The following STXBP5L variants were observed in gnomAD, a reference collection of about 807,000 sequenced individuals.
STXBP5L encodes syntaxin-binding protein 5-like.
STXBP5L carries 65 observed loss-of-function variants against 144.5 expected under a neutral mutation model. The ratio of observed to expected loss-of-function variants is 0.45; its 90% CI spans 0.37 to 0.55. The LOEUF (loss-of-function observed/expected upper bound fraction) is 0.55, where lower values mean the gene tolerates loss of function less well. STXBP5L is among the 20% of genes least tolerant of loss of function. The probability of loss-of-function intolerance (pLI) is 0.00; values close to 1 mark genes in which losing one functional copy is unlikely to be tolerated. For missense variants in STXBP5L, 1,298 were observed against 1,405.5 expected (o/e 0.92, Z 1.22); for synonymous variants, 505 against 469.6 (o/e 1.08, Z -0.97).
intron 9 of STXBP5L, among the ~76,000 whole-genome samples, chr3:121,178,271 T>A (rs924445287): frequency 3.3e-5 from 5 of 152,216 alleles, no homozygotes; most frequent in Admixed American, 2.0e-4. Flanking sequence ...TAGTTGATTT[T>A]AAATTTTATC....
intron 3 of STXBP5L, among the ~76,000 whole-genome samples, chr3:120,974,606 A>G (rs989591171): frequency 3.9e-5 from 6 of 152,164 alleles, no homozygotes; most frequent in African/African-American, 1.2e-4. Context: ...TTTAGAGATG[A>G]AGTCCTTGCA....
chr3:120,979,196 T>C (rs1327724319), intron 3 of STXBP5L, among the ~76,000 whole-genome samples: 3 of 152,270 alleles, frequency 2.0e-5, no homozygotes, highest in South Asian at 4.1e-4. Flanking sequence ...GTGGTGGGCT[T>C]CCCCCAGTTG....
chr3:121,405,048 G>GGA (rs1018722061), intron 22 of STXBP5L, among the ~76,000 whole-genome samples: 345 of 151,300 alleles, frequency 2.3e-3, no homozygotes, highest in African/African-American at 8.1e-3. Flanking sequence ...ATAGGGAGGG[G>GGA]GAGAGAGAGA....
At chr3:120,939,717 A>T (rs1710466790) in intron 2 of STXBP5L, among the ~76,000 whole-genome samples, 1 of 152,168 alleles carries the variant, frequency 6.6e-6, no homozygotes, top group African/African-American at 2.4e-5. Flanking sequence ...ACATAACCCC[A>T]TTCTTGTTTC....
Position 121,302,096 on chromosome 3 carries a change from G to A in STXBP5L, c.2111-16379G>A, listed in dbSNP as rs186590961. ...AGGGAGGATTCCCTCTTTTTCTATT[G>A]ATTGGAATAGTTTCAGAAGGAATGA... On this transcript the variant is annotated intron_variant, in intron 19 of 26. Coordinates refer to ENST00000471454, the MANE Select transcript of STXBP5L (RefSeq NM_001308330.2). Among the ~76,000 whole-genome samples the A allele has an allele frequency of 6.2e-3, 941 of 152,218 alleles. 5 individuals carry two copies. The highest frequency in any genetic ancestry group is 0.024 in the Middle Eastern group (7 of 294).
chr3:121,218,595 G>T (rs1000377573), intron 10 of STXBP5L, among the ~76,000 whole-genome samples: 1 of 151,862 alleles, frequency 6.6e-6, no homozygotes, highest in South Asian at 2.1e-4. Context: ...CAGCCTTGAA[G>T]GGAGTAGGGA....
At chr3:121,394,195 G>C (rs2046666302) in intron 22 of STXBP5L, among the ~76,000 whole-genome samples, 1 of 152,042 alleles carries the variant, frequency 6.6e-6, no homozygotes, top group Non-Finnish European at 1.5e-5. Flanking sequence ...AAATGGGATT[G>C]ATTTCTTCTT....
intron 20 of STXBP5L, among the ~76,000 whole-genome samples, chr3:121,344,078 C>G (rs1309244545): frequency 2.0e-5 from 3 of 151,440 alleles, no homozygotes; most frequent in African/African-American, 7.3e-5. Context: ...ACAACAGAGC[C>G]CTCAGAAATA....
At chr3:121,091,030 G>C (rs1207756742) in intron 5 of STXBP5L, among the ~76,000 whole-genome samples, 2 of 148,782 alleles carry the variant, frequency 1.3e-5, no homozygotes. Context: ...TATGCGGTGT[G>C]TGGTTTTTTG....
At chr3:120,989,161 T>G (rs916454141) in intron 3 of STXBP5L, among the ~76,000 whole-genome samples, 1 of 152,160 alleles carries the variant, frequency 6.6e-6, no homozygotes, top group Admixed American at 6.6e-5. Context: ...CAATGATTTC[T>G]CTTCCTTTCG....
At chr3:121,416,782 G>C (rs938504230) in intron 25 of STXBP5L, among the ~76,000 whole-genome samples, 2 of 151,912 alleles carry the variant, frequency 1.3e-5, no homozygotes, top group African/African-American at 4.8e-5. Context: ...TGGAATTACA[G>C]GCATGAGCCA....
At chr3:121,277,032 C>A (rs887206141) in intron 18 of STXBP5L, among the ~76,000 whole-genome samples, 2 of 151,578 alleles carry the variant, frequency 1.3e-5, no homozygotes, top group South Asian at 4.2e-4. Context: ...TCTGTTATTT[C>A]TTCAAGTTTA....
chr3:121,034,562 A>T (rs1946622741), intron 3 of STXBP5L, among the ~76,000 whole-genome samples: 1 of 151,808 alleles, frequency 6.6e-6, no homozygotes, highest in Admixed American at 6.6e-5. Flanking sequence ...CTATCCATCC[A>T]TCCATCCATC....
At chr3:121,341,982 A>T (rs1322130885) in intron 20 of STXBP5L, among the ~76,000 whole-genome samples, 1 of 152,006 alleles carries the variant, frequency 6.6e-6, no homozygotes, top group Non-Finnish European at 1.5e-5. Flanking sequence ...GAATAACTTA[A>T]ATAATATAAT....
At chr3:120,988,111 C>A (rs1942479619) in intron 3 of STXBP5L, among the ~76,000 whole-genome samples, 1 of 148,146 alleles carries the variant, frequency 6.8e-6, no homozygotes, top group South Asian at 2.1e-4. Context: ...AGTTGATTTT[C>A]TCTTTTTTTT....
chr3:121,374,088 G>A (rs888718846), intron 20 of STXBP5L, among the ~76,000 whole-genome samples: 5 of 152,020 alleles, frequency 3.3e-5, no homozygotes, highest in African/African-American at 9.7e-5. Context: ...ACCCCACCAA[G>A]AGGCCTGAGG....
chr3:121,339,154 G>A (rs1247538052), intron 20 of STXBP5L, among the ~76,000 whole-genome samples: 1 of 151,996 alleles, frequency 6.6e-6, no homozygotes, highest in African/African-American at 2.4e-5. Flanking sequence ...GATTAACATA[G>A]ATGCAGAAAT....
chr3:120,976,288 C>G (rs1468957088), intron 3 of STXBP5L, among the ~76,000 whole-genome samples: 1 of 152,042 alleles, frequency 6.6e-6, no homozygotes, highest in East Asian at 1.9e-4. Context: ...TGTATGTGTC[C>G]AGGAATTTAT....
chr3:121,076,705 G>C (rs1011146028), intron 5 of STXBP5L, among the ~76,000 whole-genome samples: 1 of 152,114 alleles, frequency 6.6e-6, no homozygotes, highest in East Asian at 1.9e-4. Flanking sequence ...TCTCACAAAG[G>C]GTTCTCAGTT....
Sources: allele counts gnomAD v4.1 joint callset (sites outside exome capture counted in the v4.1 genomes callset), GRCh38; gene constraint gnomAD v4.1.1; transcripts MANE v1.5; gene names NCBI Gene and HGNC (gene_info 2026-07-23, HGNC 2026-07-21).